Variants in HIRA observed in about 807,000 individuals in gnomAD.
The protein encoded by HIRA is protein HIRA.
A neutral mutation model predicts 126.6 loss-of-function variants in HIRA; 13 were observed. That is an observed-to-expected ratio of 0.10 (90% CI 0.07 to 0.16). The LOEUF (loss-of-function observed/expected upper bound fraction) is 0.16. HIRA is among the 10% of genes least tolerant of loss of function. The pLI is 1.00. For missense variants in HIRA, 834 were observed against 1,314.4 expected, an observed-to-expected ratio of 0.63 and a Z score of 5.65; for synonymous variants, 511 against 520.0, an observed-to-expected ratio of 0.98 and a Z score of 0.24.
At chr22:19,347,650 G>T (rs1201920673) in intron 24 of HIRA, among the ~76,000 whole-genome samples, 3 of 152,106 alleles carry the variant, frequency 2.0e-5, no homozygotes, top group Non-Finnish European at 4.4e-5. Flanking sequence ...CCAAACTTGA[G>T]GGCCTGGGTT....
intron 1 of HIRA, among the ~76,000 whole-genome samples, chr22:19,431,135 G>A (rs1201142072): frequency 6.6e-6 from 1 of 152,216 alleles, no homozygotes. Flanking sequence ...GGCACTGGCT[G>A]GCACCAAGGC....
rs1440540475 is a variant in HIRA at position 19,365,002 on chromosome 22, T to C, written c.1776-3071A>G. Among the ~76,000 whole-genome samples, 4 of 152,340 alleles carry C rather than the reference T, an allele frequency of 2.6e-5. No homozygotes were observed. The South Asian group carries it at 6.2e-4, about 24-fold the overall frequency. On this transcript the variant is annotated intron_variant, in intron 15 of 24. Coordinates refer to ENST00000263208, the MANE Select transcript of HIRA (RefSeq NM_003325.4). ...ATTGCTAATATGGAGAAAGTTTTAG[T>C]GCTCTGGATAGAAGATCAAACCAGC...
At chr22:19,382,266 C>T (rs1469627890) in intron 13 of HIRA, among the ~76,000 whole-genome samples, 1 of 152,158 alleles carries the variant, frequency 6.6e-6, no homozygotes, top group Non-Finnish European at 1.5e-5. Flanking sequence ...AAGCCACCTA[C>T]ACCTTCTCAC....
chr22:19,418,211 A>G (rs1453707336), intron 1 of HIRA, among the ~76,000 whole-genome samples: 3 of 152,216 alleles, frequency 2.0e-5, no homozygotes, highest in Non-Finnish European at 4.4e-5. Flanking sequence ...AATGATTAAG[A>G]TAGTAAATTT....
intron 1 of HIRA, among the ~76,000 whole-genome samples, chr22:19,420,566 C>T (rs1195308077): frequency 6.6e-6 from 1 of 150,954 alleles, no homozygotes; most frequent in Non-Finnish European, 1.5e-5. Flanking sequence ...TTTCTTAATA[C>T]TTCTTTCCCC....
At chr22:19,414,340 G>A (rs558339992) in intron 1 of HIRA, among the ~76,000 whole-genome samples, 1 of 152,322 alleles carries the variant, frequency 6.6e-6, no homozygotes, top group Non-Finnish European at 1.5e-5. Flanking sequence ...CACACTAGGG[G>A]AAAGATTCCT....
At chr22:19,372,770 C>T (rs1441625060) in intron 15 of HIRA, among the ~76,000 whole-genome samples, 5 of 152,028 alleles carry the variant, frequency 3.3e-5, no homozygotes, top group African/African-American at 4.8e-5. Flanking sequence ...TGGGGTTTCG[C>T]CATGTTGGCC....
rs367611092 is a variant in HIRA, at chr22:19,405,674, C to T, written c.397+112G>A. ...ACTGATTGTGATGGGGTGGGACAGC[C>T]CAGACATAGGGCTGCTTTAAGGACC... On this transcript the variant is annotated intron_variant, in intron 5 of 24. Transcript: ENST00000263208. 3.5e-4 allele frequency: 324 copies of T among 916,698 alleles called. 2 individuals carry two copies. The African/African-American group carries it at 4.6e-3, about 13-fold the overall frequency. 56.8% of individuals were successfully genotyped at this position (916,698 alleles called of 1,614,324 possible).
chr22:19,351,107 C>A lies in HIRA; in HGVS notation c.2937+251G>T. On this transcript the variant is annotated intron_variant, in intron 24 of 24. Coordinates refer to ENST00000263208, the MANE Select transcript of HIRA (RefSeq NM_003325.4). This position sits in a 1 kb window ranked among gnomAD's most constrained non-coding sequence, Gnocchi z 4.8. ...TTGTCTTCACAACCAAGCCCAGAGC[C>A]CCTGCAGGCAGCCTCCCTCAGCACA... The A allele has an allele frequency of 4.1e-6, 4 of 985,182 alleles. No individual in the cohort carries two copies. The highest frequency in any genetic ancestry group is 4.8e-6 in the Non-Finnish European group (4 of 829,706). The allele number at this position is 985,182 out of a possible 1,614,324, so 61.0% of individuals were successfully genotyped here.
intron 4 of HIRA, 140 bp downstream of exon 4, chr22:19,407,044 C>T (rs35412656): frequency 1.5e-6 from 1 of 665,726 alleles, no homozygotes; most frequent in Non-Finnish European, 2.6e-6. Context: ...CCACCTGCTC[C>T]TGACCTACAT....
chr22:19,385,499 C>T (rs750651631), intron 12 of HIRA, 22 bp downstream of exon 12: 8 of 1,604,956 alleles, frequency 5.0e-6, no homozygotes, highest in South Asian at 1.1e-5. Flanking sequence ...ATGTCTTTAG[C>T]GCCACCAGGC....
At chr22:19,387,635 G>A in intron 11 of HIRA, 76 bp downstream of exon 11, 2 of 981,622 alleles carry the variant, frequency 2.0e-6, no homozygotes, top group South Asian at 1.4e-5. Context: ...AGAAGAGGGT[G>A]TAGTCAAAGG....
At chr22:19,367,026 G>A (rs1482870261) in intron 15 of HIRA, among the ~76,000 whole-genome samples, 2 of 152,190 alleles carry the variant, frequency 1.3e-5, no homozygotes, top group African/African-American at 2.4e-5. Flanking sequence ...GCCTCCCAAA[G>A]TGTTGGGATT....
Position 19,351,409 on chromosome 22 carries a change from T to G in HIRA, c.2886A>C (p.Leu962Phe), listed in dbSNP as rs1556010841. 6.2e-7 allele frequency: 1 copy of G among 1,613,786 alleles called. No homozygotes were observed. Among genetic ancestry groups the G allele is most frequent in the Non-Finnish European group, 8.5e-7 (1 of 1,179,814 alleles). Residue 962 changes from leucine to phenylalanine, a missense_variant, in exon 24 of 25, where the codon TTA becomes TTC. Around this residue, in one of 5 missense-constraint regions of HIRA, gnomAD observed 58 missense variants for 114.5 expected, o/e 0.51. Coordinates refer to ENST00000263208, the MANE Select transcript of HIRA (RefSeq NM_003325.4). The surrounding 1 kb of genome is among the most constrained non-coding windows in gnomAD (Gnocchi z 4.8). ...EYRLREICKDLLGPVHYSTGS... is the reference protein window; with the variant it reads ...EYRLREICKDFLGPVHYSTGS... ...CAGTGGAGTAGTGAACCGGACCCAG[T>G]AAGTCCTTGCATATTTCTCGAAGTC...
At position 19,368,430 on chromosome 22, in the gene HIRA, T is replaced by A. The variant is rs566341814; in HGVS notation, c.1776-6499A>T. On this transcript the variant is annotated intron_variant, in intron 15 of 24. Transcript: ENST00000263208. ...AGTGCTCCTCAAAATCCTTTAAAAA[T>A]TTTTTTTTTTTTAAATGTCAGACAT... Among the ~76,000 whole-genome samples the A allele has an allele frequency of 8.9e-3, 1,142 of 128,678 alleles. 8 individuals carry two copies. Among genetic ancestry groups the A allele is most frequent in the African/African-American group, 0.026 (820 of 31,104 alleles). 84.4% of individuals were successfully genotyped at this position (128,678 alleles called of 152,430 possible).
At chr22:19,357,171 A>G in intron 18 of HIRA, 120 bp from the exon 19 acceptor site, 1 of 1,180,796 alleles carries the variant, frequency 8.5e-7, no homozygotes, top group Non-Finnish European at 1.2e-6. Flanking sequence ...CTGAGCAGGT[A>G]CAGCCAGAAG....
chr22:19,361,994 G>T (rs2088868653), intron 15 of HIRA, 63 bp from the exon 16 acceptor site: 1 of 1,529,862 alleles, frequency 6.5e-7, no homozygotes. Flanking sequence ...AGAGTGAAGT[G>T]AAATATTTAA....
chr22:19,387,701 G>A lies in HIRA; in HGVS notation c.1113+10C>T, dbSNP rs757093999. On this transcript the variant is annotated intron_variant, in intron 11 of 24. Coordinates refer to ENST00000263208, the MANE Select transcript of HIRA (RefSeq NM_003325.4). ...CAGAGCACCCAGCAGCACAAGAGCC[G>A]TCAGCCTACCTTCTCCTCCTCGCTC... is the stretch of plus-strand genomic sequence containing the variant. 14 of 1,610,138 alleles carry A rather than the reference G, an allele frequency of 8.7e-6. No individual in the cohort carries two copies. The highest frequency in any genetic ancestry group is 2.2e-5 in the East Asian group (1 of 44,870).
chr22:19,330,747 C>T lies in HIRA; in HGVS notation c.*693G>A, dbSNP rs528446726. 123 of 155,882 alleles carry T rather than the reference C, an allele frequency of 7.9e-4. 1 individual carries two copies. Among genetic ancestry groups the T allele is most frequent in the Non-Finnish European group, 1.5e-3 (107 of 70,202 alleles). The allele number at this position is 155,882 out of a possible 1,614,324, so 9.7% of individuals were successfully genotyped here. A position where few individuals can be genotyped will look rare whatever the true frequency, so the allele number is the denominator to read the frequency against. On this transcript the variant is annotated 3_prime_UTR_variant, in exon 25 of 25. Coordinates refer to ENST00000263208, the MANE Select transcript of HIRA (RefSeq NM_003325.4). Reference sequence around the variant, plus strand: ...TATTTTACACTTACAAAAGAAATCGCCCACCCCTTTGCCCCATTCCCCCAA... The same window carrying T: ...TATTTTACACTTACAAAAGAAATCGTCCACCCCTTTGCCCCATTCCCCCAA...
Sources: gnomAD v4.1 joint callset for allele counts (sites outside exome capture counted in the v4.1 genomes callset) on GRCh38, gnomAD v4.1.1 for gene constraint, gnomAD v4.1.1 regional missense constraint, Gnocchi (gnomAD v3.1) non-coding constraint, MANE v1.5 for transcripts, NCBI Gene and HGNC (gene_info 2026-07-23, HGNC 2026-07-21) for gene names.